Variants in HEATR1 observed in about 807,000 individuals in gnomAD.
HEATR1 encodes HEAT repeat containing 1.
A neutral mutation model predicts 248.2 loss-of-function variants in HEATR1; 77 were observed. The ratio of observed to expected loss-of-function variants is 0.31; its 90% confidence interval spans 0.26 to 0.37. The LOEUF (loss-of-function observed/expected upper bound fraction) is 0.37. HEATR1 is among the 10% of genes least tolerant of loss of function. HEATR1 has a pLI of 1.00. For missense variants in HEATR1, 2,420 were observed against 2,504.9 expected (o/e 0.97, Z 0.72); for synonymous variants, 897 against 923.1 (o/e 0.97, Z 0.51).
In HEATR1 at chr1:236,564,517, G is replaced by T. The variant is rs759666486; in HGVS notation, c.4580C>A (p.Ser1527Tyr). 11 of 1,613,264 alleles carry T rather than the reference G, an allele frequency of 6.8e-6. No individual in the cohort carries two copies. The highest frequency in any genetic ancestry group is 6.8e-6 in the Non-Finnish European group (8 of 1,179,848). The change falls in exon 32 of 45, where the codon TCC becomes TAC. Residue 1527 changes from serine to tyrosine, a missense_variant. Ser to Tyr is a moderately radical substitution (Grantham distance 144). Transcript: ENST00000366582. ...SVSFMSQLLS[S>Y]NNFLKKVVES... The stretch of plus-strand genomic sequence containing the variant: ...CATTACCTTTTTCAGAAAATTATTG[G>T]AAGACAGGAGCTGAGACATGAAGGA...
intron 2 of HEATR1, 29 bp downstream of exon 2, chr1:236,603,925 G>A (rs1212420322): frequency 1.3e-6 from 2 of 1,577,228 alleles, no homozygotes; most frequent in Non-Finnish European, 8.6e-7. Flanking sequence ...ACGCTTCCAA[G>A]AGCTTTTCTA....
chr1:236,574,337 G>A lies in HEATR1; in HGVS notation c.3328-4C>T, dbSNP rs2799427. 3.7e-6 allele frequency: 6 copies of A among 1,604,462 alleles called. No individual in the cohort carries two copies. Among genetic ancestry groups the A allele is most frequent in the Admixed American group, 1.7e-5 (1 of 57,536 alleles). ...CTGCAAAAAATGGTTTTGTAATCTA[G>A]AGGGGGTAGAAAAAAGGCAACTGAG... On this transcript the variant is annotated splice_region_variant and splice_polypyrimidine_tract_variant and intron_variant, in intron 23 of 44. Transcript: ENST00000366582.
chr1:236,595,716 T>TA, intron 7 of HEATR1, 43 bp from the exon 8 acceptor site: 1 of 1,577,464 alleles, frequency 6.3e-7, no homozygotes, highest in Non-Finnish European at 8.7e-7. Context: ...CTTTACAAGT[T>TA]AGACAATGAG....
intron 14 of HEATR1, among the ~76,000 whole-genome samples, chr1:236,586,929 T>A (rs1663901798): frequency 6.6e-6 from 1 of 151,998 alleles, no homozygotes; most frequent in Admixed American, 6.6e-5. Flanking sequence ...CACACTCTCA[T>A]CCTCTATGGA....
chr1:236,591,659 A>G (rs1664040755), intron 11 of HEATR1, among the ~76,000 whole-genome samples: 1 of 152,186 alleles, frequency 6.6e-6, no homozygotes, highest in South Asian at 2.1e-4. Context: ...TACACTGGAA[A>G]GCATAGACCT....
At position 236,568,892 on chromosome 1, in the gene HEATR1, A is replaced by AACG. The variant is rs952256887; in HGVS notation, c.4077+103_4077+104insCGT. 1.2e-5 allele frequency: 7 copies of AACG among 592,896 alleles called. No homozygotes were observed. In the African/African-American group the frequency reaches 2.6e-4, roughly 22 times the overall value. 36.7% of individuals were successfully genotyped at this position (592,896 alleles called of 1,614,324 possible). A position where few individuals can be genotyped will look rare whatever the true frequency, so the allele number is the denominator to read the frequency against. On this transcript the variant is annotated intron_variant, in intron 29 of 44. Coordinates refer to ENST00000366582, the MANE Select transcript of HEATR1 (RefSeq NM_018072.6). ...TACAACTGTTGAGGATATTAAAAAAAAAAAACAAAAAAAAAAAACTAAAAA... is the reference window on the plus strand; with the variant it reads ...TACAACTGTTGAGGATATTAAAAAAAACGAAAAACAAAAAAAAAAAACTAAAAA...
intron 36 of HEATR1, 144 bp downstream of exon 36, chr1:236,558,093 C>T: frequency 1.1e-6 from 1 of 916,648 alleles, no homozygotes; most frequent in Non-Finnish European, 1.6e-6. Flanking sequence ...CGTGAGCCAC[C>T]ACACCCTGCA....
In HEATR1 at chr1:236,554,719, T is replaced by C. The variant is rs767720192; in HGVS notation, c.5957A>G (p.Glu1986Gly). 1 of 1,612,344 alleles carries C rather than the reference T, an allele frequency of 6.2e-7. No individual in the cohort carries two copies. The highest frequency in any genetic ancestry group is 8.5e-7 in the Non-Finnish European group (1 of 1,179,610). The change falls in exon 42 of 45, where the codon GAA becomes GGA. Residue 1986 changes from glutamate (E) to glycine (G), a missense_variant. Transcript: ENST00000366582. ...AAACTGCAACAGCAAGCAGCACTTTTCAGGGTCATTTTCAGAGTCAAAAAA... is the reference window on the plus strand; with the variant it reads ...AAACTGCAACAGCAAGCAGCACTTTCCAGGGTCATTTTCAGAGTCAAAAAA... The part of the protein sequence containing the change: ...EAFFDSENDP[E>G]KCCLLLQFIL...
intron 19 of HEATR1, among the ~76,000 whole-genome samples, chr1:236,581,766 C>A (rs1324826391): frequency 6.6e-6 from 1 of 152,192 alleles, no homozygotes; most frequent in Non-Finnish European, 1.5e-5. Flanking sequence ...CAGGAACTGA[C>A]CACTGGGCCT....
In HEATR1 at chr1:236,551,985, A is replaced by G; in HGVS notation, c.6346+14T>C. ...CCTTAATTGTTTAATGGTTGGGAAT[A>G]GTTTGGGAATTACCTTCCATCAACT... On this transcript the variant is annotated intron_variant, in intron 44 of 44. Transcript: ENST00000366582. The G allele has an allele frequency of 6.8e-7, 1 of 1,471,410 alleles. No homozygotes were observed. The highest frequency in any genetic ancestry group is 9.5e-7 in the Non-Finnish European group (1 of 1,052,326). 91.1% of individuals were successfully genotyped at this position (1,471,410 alleles called of 1,614,324 possible).
intron 29 of HEATR1, among the ~76,000 whole-genome samples, chr1:236,568,743 ACAG>A (rs1219746218): frequency 6.6e-6 from 1 of 152,164 alleles, no homozygotes; most frequent in Non-Finnish European, 1.5e-5. Context: ...CACTCACAGC[ACAG>A]CAGAACCAGC....
In HEATR1 at chr1:236,596,923, G is replaced by A; in HGVS notation, c.657C>T (p.Phe219=). ...SSAQLRVLLA[F]YASTIVSALV... Reference sequence around the variant, plus strand: ...GCGCCGACACTATGGTAGAAGCATAGAAAGCCAAGAGCACCCTCAACTGAG... The same window carrying A: ...GCGCCGACACTATGGTAGAAGCATAAAAAGCCAAGAGCACCCTCAACTGAG... Residue 219 remains phenylalanine, a synonymous_variant, in exon 6 of 45, where the codon TTC becomes TTT. Coordinates refer to ENST00000366582, the MANE Select transcript of HEATR1 (RefSeq NM_018072.6). 1 of 1,614,088 alleles carries A rather than the reference G, an allele frequency of 6.2e-7. No individual in the cohort carries two copies. The highest frequency in any genetic ancestry group is 8.5e-7 in the Non-Finnish European group (1 of 1,179,994).
chr1:236,565,262 T>C, intron 31 of HEATR1, among the ~76,000 whole-genome samples: 1 of 152,232 alleles, frequency 6.6e-6, no homozygotes, highest in South Asian at 2.1e-4. Flanking sequence ...TAACGTGCCT[T>C]GTCGTTCTGC....
chr1:236,580,427 A>G (rs553681446), intron 20 of HEATR1, among the ~76,000 whole-genome samples: 1 of 152,256 alleles, frequency 6.6e-6, no homozygotes, highest in Non-Finnish European at 1.5e-5. Context: ...CATTTCTATT[A>G]TTAAACTTTT....
rs932486254 is a variant in HEATR1 at position 236,592,615 on chromosome 1, A to G, written c.1212T>C (p.Tyr404=). 7.1e-7 allele frequency: 1 copy of G among 1,406,284 alleles called. No homozygotes were observed. The highest frequency in any genetic ancestry group is 2.3e-5 in the East Asian group (1 of 42,966). The allele number at this position is 1,406,284 out of a possible 1,614,324, so 87.1% of individuals were successfully genotyped here. A position where few individuals can be genotyped will look rare whatever the true frequency, so the allele number is the denominator to read the frequency against. The change falls in exon 10 of 45, where the codon TAT becomes TAC. Residue 404 remains tyrosine (Y), a synonymous_variant. Transcript: ENST00000366582. ...TTTCTTCCTGTGAACTATATGAAAT[A>G]TACTCTTCAAATAGAAGGCTGTAAA... The part of the protein sequence containing the change: ...HLLASLLFEE[Y]ISYSSQEEMD...
chr1:236,556,490 A>G (rs1662982446), intron 37 of HEATR1, among the ~76,000 whole-genome samples: 2 of 152,256 alleles, frequency 1.3e-5, no homozygotes, highest in African/African-American at 4.8e-5. Flanking sequence ...ACGCAGACGC[A>G]CACACAGCAC....
At chr1:236,596,723 A>C in intron 6 of HEATR1, 113 bp downstream of exon 6, 4 of 978,706 alleles carry the variant, frequency 4.1e-6, no homozygotes, top group Admixed American at 2.5e-5. Flanking sequence ...AATCTCAGCT[A>C]TCATCTGAAA....
intron 20 of HEATR1, among the ~76,000 whole-genome samples, chr1:236,578,381 A>G (rs943666186): frequency 1.3e-5 from 2 of 152,216 alleles, no homozygotes; most frequent in Non-Finnish European, 2.9e-5. Flanking sequence ...TTCTAGAATC[A>G]TGTTCAATGA....
At chr1:236,598,122 G>A (rs1185838616) in intron 4 of HEATR1, 143 bp from the exon 5 acceptor site, 1 of 526,244 alleles carries the variant, frequency 1.9e-6, no homozygotes, top group Non-Finnish European at 3.3e-6. Context: ...TGGTGGTGAT[G>A]AAATTAACAC....
Sources: gnomAD v4.1 joint callset for allele counts (sites outside exome capture counted in the v4.1 genomes callset) on GRCh38, gnomAD v4.1.1 for gene constraint, MANE v1.5 for transcripts, NCBI Gene and HGNC (gene_info 2026-07-23, HGNC 2026-07-21) for gene names.